The following METTL16 variants were observed in gnomAD, a reference collection of about 807,000 sequenced individuals.
METTL16 encodes the protein RNA N(6)-adenosine-methyltransferase METTL16.
METTL16 carries 19 observed loss-of-function variants against 57.9 expected under a neutral mutation model. The ratio of observed to expected loss-of-function variants is 0.33; its 90% CI spans 0.23 to 0.48. The LOEUF (loss-of-function observed/expected upper bound fraction) is 0.48. METTL16 is among the 20% of genes least tolerant of loss of function. The pLI is 0.99. For missense variants in METTL16, 434 were observed against 691.5 expected, an observed-to-expected ratio of 0.63 and a Z score of 4.18; for synonymous variants, 246 against 255.6, an observed-to-expected ratio of 0.96 and a Z score of 0.36.
chr17:2,459,723 C>T (rs752581091), intron 6 of METTL16, among the ~76,000 whole-genome samples: 3 of 152,054 alleles, frequency 2.0e-5, no homozygotes, highest in African/African-American at 7.2e-5. Flanking sequence ...GCATGGGGGC[C>T]GGGCGCAGTG....
In METTL16 at chr17:2,418,221, C is replaced by T. The variant is rs1356028312; in HGVS notation, c.*1749G>A. ...ATACACACACACACACACACACACA[C>T]ACATGCTCACAGAGCTTTTAGAAGT... On this transcript the variant is annotated 3_prime_UTR_variant, in exon 10 of 10. Coordinates refer to ENST00000263092, the MANE Select transcript of METTL16 (RefSeq NM_024086.4). The T allele has an allele frequency of 4.2e-5, 6 of 143,262 alleles. No homozygotes were observed. The allele number at this position is 143,262 out of a possible 1,614,324, so 8.9% of individuals were successfully genotyped here. A position where few individuals can be genotyped will look rare whatever the true frequency, so the allele number is the denominator to read the frequency against.
At chr17:2,426,728 C>CAAAAAAAAA (rs778818177) in intron 8 of METTL16, among the ~76,000 whole-genome samples, 36 of 34,950 alleles carry the variant, frequency 1.0e-3, no homozygotes, top group Middle Eastern at 0.022. Context: ...GACTCCGTCT[C>CAAAAAAAAA]AAAAAAAAAA....
At chr17:2,505,455 G>A (rs2067525295) in intron 1 of METTL16, among the ~76,000 whole-genome samples, 1 of 117,498 alleles carries the variant, frequency 8.5e-6, no homozygotes, top group South Asian at 2.8e-4. Context: ...CGTTATGTTG[G>A]CCAGGTTGGT....
chr17:2,483,981 T>C (rs780125387), intron 2 of METTL16, among the ~76,000 whole-genome samples: 37 of 152,340 alleles, frequency 2.4e-4, no homozygotes, highest in Non-Finnish European at 4.3e-4. Flanking sequence ...TAAATTTCAC[T>C]GCTAAACACA....
chr17:2,442,481 T>TAAG (rs1174136724), intron 6 of METTL16, among the ~76,000 whole-genome samples: 12 of 142,314 alleles, frequency 8.4e-5, no homozygotes, highest in East Asian at 8.1e-4. Flanking sequence ...GAAACCCAAG[T>TAAG]AAGAAGAAGA....
chr17:2,437,804 C>A (rs2066919661), intron 8 of METTL16, among the ~76,000 whole-genome samples: 1 of 152,212 alleles, frequency 6.6e-6, no homozygotes, highest in African/African-American at 2.4e-5. Flanking sequence ...CCCAGCTCGG[C>A]TTCCCAAAGT....
At chr17:2,421,461 TCA>T (rs2066764877) in intron 8 of METTL16, among the ~76,000 whole-genome samples, 1 of 152,134 alleles carries the variant, frequency 6.6e-6, no homozygotes, top group Non-Finnish European at 1.5e-5. Flanking sequence ...CAGCTCAAGG[TCA>T]CACAGTAACT....
Position 2,420,086 on chromosome 17 carries a change from CCTT to C in METTL16, c.1570_1572del (p.Lys524del), listed in dbSNP as rs2066749201. The C allele has an allele frequency of 1.2e-6, 2 of 1,614,114 alleles. No individual in the cohort carries two copies. The highest frequency in any genetic ancestry group is 2.7e-5 in the African/African-American group (2 of 74,944). On this transcript the variant is annotated inframe_deletion, in exon 10 of 10. Coordinates refer to ENST00000263092, the MANE Select transcript of METTL16 (RefSeq NM_024086.4). The surrounding 1 kb of genome is among the most constrained non-coding windows in gnomAD (Gnocchi z 5.4). ...ATCTCCACTAAGGCATCGTCCACCT[CCTT>C]CTTAACGTTTATCAAACACTTAAAC...
chr17:2,498,028 A>T (rs2067459022), intron 2 of METTL16, among the ~76,000 whole-genome samples: 1 of 151,566 alleles, frequency 6.6e-6, no homozygotes, highest in African/African-American at 2.4e-5. Context: ...CCCCATCTCT[A>T]CTAAAAATAC....
chr17:2,421,856 A>C (rs2066768947), intron 8 of METTL16, among the ~76,000 whole-genome samples: 1 of 152,196 alleles, frequency 6.6e-6, no homozygotes, highest in Non-Finnish European at 1.5e-5. Flanking sequence ...CGGCGAGCTA[A>C]GCACTGCCTT....
chr17:2,500,318 C>T lies in METTL16; in HGVS notation c.128+1886G>A, dbSNP rs537116852. ...TTGAGATGGAGTCTCAGTCTGTCAC[C>T]CAGGTTGGAGTGCAGTGGCACAATC... is the stretch of plus-strand genomic sequence containing the variant. On this transcript the variant is annotated intron_variant, in intron 2 of 9. Coordinates refer to ENST00000263092, the MANE Select transcript of METTL16 (RefSeq NM_024086.4). Among the ~76,000 whole-genome samples, 6 of 152,048 alleles carry T rather than the reference C, an allele frequency of 3.9e-5. No individual in the cohort carries two copies. In the South Asian group the frequency reaches 1.2e-3, roughly 32 times the overall value.
chr17:2,429,252 G>A (rs994587416), intron 8 of METTL16, among the ~76,000 whole-genome samples: 3 of 137,586 alleles, frequency 2.2e-5, no homozygotes, highest in East Asian at 2.2e-4. Flanking sequence ...GCAGTGGTAC[G>A]ATCTTGGCTC....
chr17:2,474,336 C>CTGCTGAAT, intron 3 of METTL16, among the ~76,000 whole-genome samples: 1 of 143,610 alleles, frequency 7.0e-6, no homozygotes, highest in Non-Finnish European at 1.5e-5. Context: ...TTATATTAAA[C>CTGCTGAAT]TGCTGAATTA....
At chr17:2,495,234 G>GT (rs2067434282) in intron 2 of METTL16, among the ~76,000 whole-genome samples, 1 of 151,952 alleles carries the variant, frequency 6.6e-6, no homozygotes, top group African/African-American at 2.4e-5. Context: ...GGAGGCTGAG[G>GT]TAAGAGGATC....
At position 2,419,698 on chromosome 17, in the gene METTL16, C is replaced by G. The variant is rs577974599; in HGVS notation, c.*272G>C. ...TCCAGAGCTGAGGGGCCAGCTTGAG[C>G]CAGCTTGCAATCCCTCGGGAGTTTA... On this transcript the variant is annotated 3_prime_UTR_variant, in exon 10 of 10. Coordinates refer to ENST00000263092, the MANE Select transcript of METTL16 (RefSeq NM_024086.4). The G allele has an allele frequency of 6.0e-5, 37 of 620,092 alleles. No individual in the cohort carries two copies. The highest frequency in any genetic ancestry group is 5.6e-4 in the South Asian group (37 of 66,036). 38.4% of individuals were successfully genotyped at this position (620,092 alleles called of 1,614,324 possible). A position where few individuals can be genotyped will look rare whatever the true frequency, so the allele number is the denominator to read the frequency against.
At chr17:2,495,424 C>T (rs1385921113) in intron 2 of METTL16, among the ~76,000 whole-genome samples, 6 of 151,814 alleles carry the variant, frequency 4.0e-5, no homozygotes, top group Non-Finnish European at 7.4e-5. Context: ...CGGCTGGGTG[C>T]GGTGGCTCAC....
At chr17:2,488,843 T>C (rs1312701148) in intron 2 of METTL16, among the ~76,000 whole-genome samples, 1 of 152,210 alleles carries the variant, frequency 6.6e-6, no homozygotes, top group Non-Finnish European at 1.5e-5. Flanking sequence ...ATAAAAAAAA[T>C]TAAGTGGCCT....
At chr17:2,489,425 C>T (rs1467881200) in intron 2 of METTL16, among the ~76,000 whole-genome samples, 1 of 152,046 alleles carries the variant, frequency 6.6e-6, no homozygotes, top group Non-Finnish European at 1.5e-5. Flanking sequence ...TAGGCCGAGG[C>T]AGGCAGGTCA....
chr17:2,499,351 T>TA (rs1346496118), intron 2 of METTL16, among the ~76,000 whole-genome samples: 1 of 147,100 alleles, frequency 6.8e-6, no homozygotes, highest in South Asian at 2.1e-4. Flanking sequence ...TTTTTTTTTT[T>TA]AATTACAGGA....
Sources: gnomAD v4.1 joint callset for allele counts (sites outside exome capture counted in the v4.1 genomes callset) on GRCh38, gnomAD v4.1.1 for gene constraint, Gnocchi (gnomAD v3.1) non-coding constraint, MANE v1.5 for transcripts, NCBI Gene and HGNC (gene_info 2026-07-23, HGNC 2026-07-21) for gene names.